CRMP1: variants seen among roughly 807,000 people sequenced by gnomAD.
CRMP1 encodes the protein dihydropyrimidinase-related protein 1.
CRMP1 carries 19 observed loss-of-function variants against 68.3 expected under a neutral mutation model. The ratio of observed to expected loss-of-function variants is 0.28; its 90% CI spans 0.19 to 0.41. CRMP1 has a LOEUF of 0.41. Among genes scored for constraint, CRMP1 ranks in the 10% least tolerant of loss-of-function variants. CRMP1 has a pLI of 1.00. For synonymous variants in CRMP1, 439 were observed against 399.6 expected (o/e 1.10, Z -1.18); for missense variants, 791 against 967.4 (o/e 0.82, Z 2.42).
At chr4:5,878,424 G>A (rs535524177) in intron 1 of CRMP1, among the ~76,000 whole-genome samples, 33 of 152,274 alleles carry the variant, frequency 2.2e-4, no homozygotes, top group Admixed American at 1.6e-3. Context: ...TATCGTGAAT[G>A]TGGTCAAAAG....
chr4:5,887,497 A>G, intron 1 of CRMP1: 2 of 984,564 alleles, frequency 2.0e-6, no homozygotes. Context: ...TCAGCTCCCC[A>G]CCCCGAGACA....
rs1263732890 is a variant in CRMP1 at position 5,879,312 on chromosome 4, A to G, written c.382-12556T>C. 6.6e-6 allele frequency among the ~76,000 whole-genome samples: 1 copy of G among 152,206 alleles called. No individual in the cohort carries two copies. The highest frequency in any genetic ancestry group is 1.5e-5 in the Non-Finnish European group (1 of 68,030). ...TCTGCTCATTGCTTTCCAACTCCTT[A>G]GTCACGTGCAGTGTCTTGAGTCCAG... On this transcript the variant is annotated intron_variant, in intron 1 of 13. Transcript: ENST00000324989. The surrounding 1 kb of genome is among the most constrained non-coding windows in gnomAD (Gnocchi z 4.2).
rs145164462 is a variant in CRMP1, at chr4:5,853,377, C to T, written c.821-1908G>A. 5.4e-3 allele frequency among the ~76,000 whole-genome samples: 825 copies of T among 152,280 alleles called. 7 individuals are homozygous for T. Among genetic ancestry groups the T allele is most frequent in the African/African-American group, 0.018 (736 of 41,554 alleles). On this transcript the variant is annotated intron_variant, in intron 4 of 13. Coordinates refer to ENST00000324989, the MANE Select transcript of CRMP1 (RefSeq NM_001014809.3). This position sits in a 1 kb window ranked among gnomAD's most constrained non-coding sequence, Gnocchi z 4.7. ...TGAGATCTCGCCATTGCACTCCAGC[C>T]TGGGTGACAGAGTAAGACTCCATCA...
intron 12 of CRMP1, chr4:5,826,325 T>C (rs1047959726): frequency 8.5e-5 from 13 of 152,240 alleles, no homozygotes; most frequent in African/African-American, 2.2e-4. Flanking sequence ...GGGGGGCAGA[T>C]AGTTTGTTGG....
In CRMP1 at chr4:5,865,901, C is replaced by G. The variant is rs1383152951; in HGVS notation, c.470+767G>C. ...TGTGAGGACAGCCAGAAGGTGGTGT[C>G]TGCAAGCCAGAAGGTGGTGTCTGCA... On this transcript the variant is annotated intron_variant, in intron 2 of 13. Transcript: ENST00000324989. This position sits in a 1 kb window ranked among gnomAD's most constrained non-coding sequence, Gnocchi z 4.1. Among the ~76,000 whole-genome samples the G allele has an allele frequency of 6.6e-6, 1 of 152,062 alleles. No homozygotes were observed. Among genetic ancestry groups the G allele is most frequent in the African/African-American group, 2.4e-5 (1 of 41,432 alleles).
At position 5,842,997 on chromosome 4, in the gene CRMP1, G is replaced by A; in HGVS notation, c.1032+96C>T. ...TGGTCTGGGAGAGGACACGGGAAGA[G>A]GCCGGGTCCTGGCTGGGCTACTCCA... On this transcript the variant is annotated intron_variant, in intron 7 of 13. Coordinates refer to ENST00000324989, the MANE Select transcript of CRMP1 (RefSeq NM_001014809.3). This position sits in a 1 kb window ranked among gnomAD's most constrained non-coding sequence, Gnocchi z 4.5. The A allele has an allele frequency of 1.7e-6, 2 of 1,190,370 alleles. No homozygotes were observed. The highest frequency in any genetic ancestry group is 2.5e-6 in the Non-Finnish European group (2 of 803,202). 73.7% of individuals were successfully genotyped at this position (1,190,370 alleles called of 1,614,324 possible). A position where few individuals can be genotyped will look rare whatever the true frequency, so the allele number is the denominator to read the frequency against.
rs563705345 is a variant in CRMP1, at chr4:5,870,938, C to T, written c.382-4182G>A. ...CAGCTGGTGCATGGCTTCCGGAACACGGCCGCCCCGCAGGCACCCGTCTGT... is the reference window on the plus strand; with the variant it reads ...CAGCTGGTGCATGGCTTCCGGAACATGGCCGCCCCGCAGGCACCCGTCTGT... On this transcript the variant is annotated intron_variant, in intron 1 of 13. Transcript: ENST00000324989. This position sits in a 1 kb window ranked among gnomAD's most constrained non-coding sequence, Gnocchi z 6.0. Among the ~76,000 whole-genome samples, 9 of 152,288 alleles carry T rather than the reference C, an allele frequency of 5.9e-5. No homozygotes were observed. Among genetic ancestry groups the T allele is most frequent in the Non-Finnish European group, 8.8e-5 (6 of 68,038 alleles).
rs774472698 is a variant in CRMP1 at position 5,828,594 on chromosome 4, G to T, written c.1698C>A (p.Ile566=). ...CGTTGATGTTTCCGTCTTCAAAGAC[G>T]ATCTTGCCCTGGCTGATGACCACTA... ...SPLVVISQGK[I]VFEDGNINVN... is the part of the protein sequence containing the mutation. Residue 566 remains isoleucine, a synonymous_variant, in exon 12 of 14, where the codon ATC becomes ATA. Transcript: ENST00000324989. The T allele has an allele frequency of 1.9e-6, 3 of 1,614,164 alleles. No homozygotes were observed. In the Admixed American group the frequency reaches 5.0e-5, roughly 27 times the overall value.
rs1461024364 is a variant in CRMP1 at position 5,883,405 on chromosome 4, T to C, written c.381+9184A>G. On this transcript the variant is annotated intron_variant, in intron 1 of 13. Coordinates refer to ENST00000324989, the MANE Select transcript of CRMP1 (RefSeq NM_001014809.3). This position sits in a 1 kb window ranked among gnomAD's most constrained non-coding sequence, Gnocchi z 4.5. Reference sequence around the variant, plus strand: ...ACCTCTGCCTCCCAGGTTCAAGCAATTTCTCCTGCCTCAGCCTCCCGAATA... The same window carrying C: ...ACCTCTGCCTCCCAGGTTCAAGCAACTTCTCCTGCCTCAGCCTCCCGAATA... Among the ~76,000 whole-genome samples, 4 of 151,878 alleles carry C rather than the reference T, an allele frequency of 2.6e-5. No individual in the cohort carries two copies. The highest frequency in any genetic ancestry group is 2.0e-4 in the Admixed American group (3 of 15,238).
Position 5,861,272 on chromosome 4 carries a change from C to G in CRMP1, c.471-62G>C. The G allele has an allele frequency of 6.6e-7, 1 of 1,514,822 alleles. No homozygotes were observed. The highest frequency in any genetic ancestry group is 1.2e-5 in the South Asian group (1 of 83,198). The allele number at this position is 1,514,822 out of a possible 1,614,324, so 93.8% of individuals were successfully genotyped here. On this transcript the variant is annotated intron_variant, in intron 2 of 13. Coordinates refer to ENST00000324989, the MANE Select transcript of CRMP1 (RefSeq NM_001014809.3). The surrounding 1 kb of genome is among the most constrained non-coding windows in gnomAD (Gnocchi z 6.0). Reference sequence around the variant, plus strand: ...AGGAAAAGTAGAATGGGCAGTCAACCCGCAGCTTCAGTTCCATGAAATAAA... The same window carrying G: ...AGGAAAAGTAGAATGGGCAGTCAACGCGCAGCTTCAGTTCCATGAAATAAA...
chr4:5,821,657 C>CCAT lies in CRMP1; in HGVS notation c.*100_*102dup, dbSNP rs1718578777. 9.3e-7 allele frequency: 1 copy of CCAT among 1,076,376 alleles called. No individual in the cohort carries two copies. The highest frequency in any genetic ancestry group is 2.3e-5 in the Admixed American group (1 of 44,436). The allele number at this position is 1,076,376 out of a possible 1,614,324, so 66.7% of individuals were successfully genotyped here. A position where few individuals can be genotyped will look rare whatever the true frequency, so the allele number is the denominator to read the frequency against. On this transcript the variant is annotated 3_prime_UTR_variant, in exon 14 of 14. Transcript: ENST00000324989. The surrounding 1 kb of genome is among the most constrained non-coding windows in gnomAD (Gnocchi z 4.4). ...AGCATCCTTCGACTTCCCCCTCCCT[C>CCAT]CATCAGCACCAACTAAAACTGTGGG...
chr4:5,854,404 T>G lies in CRMP1; in HGVS notation c.820+1739A>C, dbSNP rs1712891714. Among the ~76,000 whole-genome samples the G allele has an allele frequency of 6.9e-6, 1 of 144,082 alleles. No homozygotes were observed. Among genetic ancestry groups the G allele is most frequent in the Non-Finnish European group, 1.5e-5 (1 of 66,036 alleles). The allele number at this position is 144,082 out of a possible 152,430, so 94.5% of individuals were successfully genotyped here. A position where few individuals can be genotyped will look rare whatever the true frequency, so the allele number is the denominator to read the frequency against. On this transcript the variant is annotated intron_variant, in intron 4 of 13. Coordinates refer to ENST00000324989, the MANE Select transcript of CRMP1 (RefSeq NM_001014809.3). This position sits in a 1 kb window ranked among gnomAD's most constrained non-coding sequence, Gnocchi z 4.0. ...ACACCACCACTCCTGGCTATGTTTT[T>G]TTTTTTTTTTTTTTTTTTTTAATAG...
At chr4:5,869,681 CAA>C (rs33973891) in intron 1 of CRMP1, among the ~76,000 whole-genome samples, 294 of 92,902 alleles carry the variant, frequency 3.2e-3, no homozygotes, top group East Asian at 6.8e-3. Flanking sequence ...AAGACTCCGT[CAA>C]AAAAAAAAAA....
intron 13 of CRMP1, chr4:5,824,909 G>C (rs935286919): frequency 1.0e-6 from 1 of 985,268 alleles, no homozygotes; most frequent in African/African-American, 1.7e-5. Context: ...AGTCAGGAGG[G>C]ATCAGGTCAA....
At chr4:5,876,109 C>T (rs1714808260) in intron 1 of CRMP1, among the ~76,000 whole-genome samples, 1 of 151,402 alleles carries the variant, frequency 6.6e-6, no homozygotes, top group Middle Eastern at 3.4e-3. Context: ...GCCGAGATCA[C>T]GTCACTGCAC....
chr4:5,879,447 C>T lies in CRMP1; in HGVS notation c.382-12691G>A, dbSNP rs1476446288. ...CTCATTGTAATATATCTTATTTCCC[C>T]CATGAGACTGAAATCCTTGGCACCA... On this transcript the variant is annotated intron_variant, in intron 1 of 13. Transcript: ENST00000324989. This position sits in a 1 kb window ranked among gnomAD's most constrained non-coding sequence, Gnocchi z 4.2. Among the ~76,000 whole-genome samples the T allele has an allele frequency of 6.6e-6, 1 of 152,202 alleles. No homozygotes were observed. The highest frequency in any genetic ancestry group is 1.9e-4 in the East Asian group (1 of 5,200).
chr4:5,862,435 C>T (rs920272894), intron 2 of CRMP1, among the ~76,000 whole-genome samples: 1 of 152,220 alleles, frequency 6.6e-6, no homozygotes, highest in Non-Finnish European at 1.5e-5. Context: ...CTTTCTTCCC[C>T]AGTCCTTCTG....
intron 6 of CRMP1, among the ~76,000 whole-genome samples, chr4:5,846,685 C>T (rs902987310): frequency 6.6e-6 from 1 of 151,018 alleles, no homozygotes; most frequent in African/African-American, 2.4e-5. Context: ...CCACCTCCCA[C>T]ATTCAAGCAA....
intron 1 of CRMP1, among the ~76,000 whole-genome samples, chr4:5,878,975 C>A (rs980439290): frequency 1.3e-5 from 2 of 152,134 alleles, no homozygotes; most frequent in Admixed American, 1.3e-4. Flanking sequence ...TCCCAATGCA[C>A]CTGCCCCAGA....
Sources: allele counts gnomAD v4.1 joint callset (sites outside exome capture counted in the v4.1 genomes callset), GRCh38; gene constraint gnomAD v4.1.1; non-coding constraint Gnocchi (gnomAD v3.1); transcripts MANE v1.5; gene names NCBI Gene and HGNC (gene_info 2026-07-23, HGNC 2026-07-21).